Variants in UBE2QL1 observed in about 807,000 individuals in gnomAD.
UBE2QL1 encodes the protein ubiquitin conjugating enzyme E2 QL1.
Under a neutral mutation model 12.6 loss-of-function variants are expected in UBE2QL1, and 5 were observed. That is an observed-to-expected ratio of 0.40 (90% confidence interval 0.21 to 0.83). UBE2QL1 has a LOEUF of 0.83. UBE2QL1 is among the 40% of genes least tolerant of loss of function. The pLI is 0.37. For synonymous variants in UBE2QL1, 96 were observed against 94.5 expected (o/e 1.02, Z -0.10); for missense variants, 99 against 222.6 (o/e 0.44, Z 3.53).
intron 1 of UBE2QL1, among the ~76,000 whole-genome samples, chr5:6,489,694 T>C (rs1290714307): frequency 6.6e-6 from 1 of 152,194 alleles, no homozygotes; most frequent in Non-Finnish European, 1.5e-5. Flanking sequence ...GTCTGCCCAG[T>C]AGATTTAGAG....
At chr5:6,451,083 G>C (rs930129278) in intron 1 of UBE2QL1, among the ~76,000 whole-genome samples, 1 of 152,102 alleles carries the variant, frequency 6.6e-6, no homozygotes, top group African/African-American at 2.4e-5. Flanking sequence ...TTCATTCTTC[G>C]CAATGAAGAT....
chr5:6,485,948 G>A (rs898163536), intron 1 of UBE2QL1, among the ~76,000 whole-genome samples: 5 of 152,124 alleles, frequency 3.3e-5, no homozygotes, highest in Middle Eastern at 3.2e-3. Context: ...GACTGAATAC[G>A]TCATAAAATC....
intron 1 of UBE2QL1, among the ~76,000 whole-genome samples, chr5:6,464,990 C>CT (rs763783935): frequency 2.4e-3 from 335 of 142,528 alleles, no homozygotes; most frequent in South Asian, 4.5e-3. Flanking sequence ...AGTTTTTATT[C>CT]TTTTTTTTTT....
At chr5:6,456,649 A>G (rs577579005) in intron 1 of UBE2QL1, among the ~76,000 whole-genome samples, 2 of 152,136 alleles carry the variant, frequency 1.3e-5, no homozygotes, top group African/African-American at 2.4e-5. Context: ...TGGCATTCCC[A>G]TGACGACCCT....
At chr5:6,483,593 T>G (rs1391221068) in intron 1 of UBE2QL1, among the ~76,000 whole-genome samples, 1 of 152,238 alleles carries the variant, frequency 6.6e-6, no homozygotes, top group Non-Finnish European at 1.5e-5. Context: ...TCGCCTCTCC[T>G]GGACACGCAC....
intron 1 of UBE2QL1, among the ~76,000 whole-genome samples, chr5:6,469,423 C>T (rs1739860684): frequency 6.7e-6 from 1 of 148,442 alleles, no homozygotes; most frequent in African/African-American, 2.5e-5. Flanking sequence ...ATATTCTAAT[C>T]TATACATATT....
intron 1 of UBE2QL1, among the ~76,000 whole-genome samples, chr5:6,460,145 C>T (rs1214686199): frequency 6.6e-6 from 1 of 152,152 alleles, no homozygotes; most frequent in Non-Finnish European, 1.5e-5. Context: ...AGGCAAGGCT[C>T]CAGCGCCTTA....
chr5:6,489,955 A>G (rs998012098), intron 1 of UBE2QL1, among the ~76,000 whole-genome samples: 1 of 152,250 alleles, frequency 6.6e-6, no homozygotes, highest in African/African-American at 2.4e-5. Context: ...GGGTCTGTTC[A>G]GAGAGAAATT....
chr5:6,466,711 A>G (rs272482), intron 1 of UBE2QL1, among the ~76,000 whole-genome samples: 148,929 of 152,378 alleles, frequency 0.98, 72,881 homozygotes, highest in East Asian at 1. Context: ...GGCCGTCAAA[A>G]GGCTTTCTGG....
In UBE2QL1 at chr5:6,495,868, A is replaced by G. The variant is rs1261573414; in HGVS notation, c.*4519A>G. 6.6e-6 allele frequency among the ~76,000 whole-genome samples: 1 copy of G among 152,224 alleles called. No homozygotes were observed. The highest frequency in any genetic ancestry group is 1.5e-5 in the Non-Finnish European group (1 of 68,046). On this transcript the variant is annotated 3_prime_UTR_variant, in exon 2 of 2. Coordinates refer to ENST00000399816, the MANE Select transcript of UBE2QL1 (RefSeq NM_001145161.3). ...TTTTGCAGCCTCTAGTTCCCATAGTATTAAATATCATTTTTAAGCCCAGGG... is the reference window on the plus strand; with the variant it reads ...TTTTGCAGCCTCTAGTTCCCATAGTGTTAAATATCATTTTTAAGCCCAGGG...
chr5:6,460,150 G>A (rs1009074021), intron 1 of UBE2QL1, among the ~76,000 whole-genome samples: 3 of 152,122 alleles, frequency 2.0e-5, no homozygotes, highest in East Asian at 1.9e-4. Context: ...AGGCTCCAGC[G>A]CCTTACCCCT....
chr5:6,470,808 C>T (rs1299710491), intron 1 of UBE2QL1, among the ~76,000 whole-genome samples: 1 of 152,144 alleles, frequency 6.6e-6, no homozygotes, highest in East Asian at 1.9e-4. Flanking sequence ...CCCTAATTAC[C>T]ATAGGGAAAC....
intron 1 of UBE2QL1, among the ~76,000 whole-genome samples, chr5:6,472,989 C>T (rs566515465): frequency 1.3e-5 from 2 of 152,302 alleles, no homozygotes; most frequent in African/African-American, 4.8e-5. Flanking sequence ...CTTTTCTTGG[C>T]CCCATTGTCT....
At position 6,492,622 on chromosome 5, in the gene UBE2QL1, G is replaced by A. The variant is rs1303059338; in HGVS notation, c.*1273G>A. The A allele has an allele frequency of 1.3e-5, 2 of 152,148 alleles. No homozygotes were observed. The highest frequency in any genetic ancestry group is 1.5e-5 in the Non-Finnish European group (1 of 68,030). 9.4% of individuals were successfully genotyped at this position (152,148 alleles called of 1,614,324 possible). On this transcript the variant is annotated 3_prime_UTR_variant, in exon 2 of 2. Coordinates refer to ENST00000399816, the MANE Select transcript of UBE2QL1 (RefSeq NM_001145161.3). ...ACTGCCTCAAGGATCCAGTCATTGT[G>A]GGCTATCCTTCCATTTAAAATATTT...
At chr5:6,461,540 A>ACCCCCCCCCCCCCCC (rs71606052) in intron 1 of UBE2QL1, among the ~76,000 whole-genome samples, 24 of 46,770 alleles carry the variant, frequency 5.1e-4, no homozygotes, top group Non-Finnish European at 6.8e-4. Context: ...TTCAGCACCC[A>ACCCCCCCCCCCCCCC]CCACCCCCCC....
intron 1 of UBE2QL1, among the ~76,000 whole-genome samples, chr5:6,471,388 G>A (rs1739909771): frequency 6.6e-6 from 1 of 152,202 alleles, no homozygotes. Context: ...GGCCAGGGCT[G>A]CTGTCTCATC....
At chr5:6,462,827 G>T (rs1739702914) in intron 1 of UBE2QL1, among the ~76,000 whole-genome samples, 1 of 152,220 alleles carries the variant, frequency 6.6e-6, no homozygotes, top group South Asian at 2.1e-4. Flanking sequence ...GATTTCTGCT[G>T]CAGGAAAAGG....
intron 1 of UBE2QL1, among the ~76,000 whole-genome samples, chr5:6,472,697 T>C (rs1039111417): frequency 6.6e-6 from 1 of 152,230 alleles, no homozygotes; most frequent in Non-Finnish European, 1.5e-5. Flanking sequence ...TGTGCAAGTG[T>C]TAGACATCAC....
chr5:6,478,621 G>A lies in UBE2QL1; in HGVS notation c.355-12597G>A, dbSNP rs1386785386. 4.1e-5 allele frequency among the ~76,000 whole-genome samples: 6 copies of A among 146,922 alleles called. No individual in the cohort carries two copies. The highest frequency in any genetic ancestry group is 2.0e-4 in the East Asian group (1 of 5,128). ...CCTAGTGACATTCTTGGTCTCTTTC[G>A]GTTTTTTTTTTTTTGGACTTTAACA... On this transcript the variant is annotated intron_variant, in intron 1 of 1. Coordinates refer to ENST00000399816, the MANE Select transcript of UBE2QL1 (RefSeq NM_001145161.3). This position sits in a 1 kb window ranked among gnomAD's most constrained non-coding sequence, Gnocchi z 4.5.
Sources: allele counts gnomAD v4.1 joint callset (sites outside exome capture counted in the v4.1 genomes callset), GRCh38; gene constraint gnomAD v4.1.1; non-coding constraint Gnocchi (gnomAD v3.1); transcripts MANE v1.5; gene names NCBI Gene and HGNC (gene_info 2026-07-23, HGNC 2026-07-21).